The following BMP6 variants were observed in gnomAD, a reference collection of about 807,000 sequenced individuals.
The protein encoded by BMP6 is VG-1-R.
In BMP6, 17 loss-of-function variants were observed where a neutral mutation model predicts 54.1. The ratio of observed to expected loss-of-function variants is 0.31; its 90% CI spans 0.22 to 0.47. The LOEUF (loss-of-function observed/expected upper bound fraction) is 0.47, where lower values mean the gene tolerates loss of function less well. Among genes scored for constraint, BMP6 ranks in the 20% least tolerant of loss-of-function variants. BMP6 has a pLI of 1.00. For missense variants in BMP6, 720 were observed against 690.4 expected (o/e 1.04, Z -0.48); for synonymous variants, 328 against 291.2 (o/e 1.13, Z -1.28).
intron 2 of BMP6, among the ~76,000 whole-genome samples, chr6:7,856,614 T>TTTTTTTTTTTTTTTTTTTTTGAAG: frequency 1.1e-5 from 1 of 95,162 alleles, no homozygotes; most frequent in East Asian, 3.8e-4. Flanking sequence ...TTTTTTTTTT[T>TTTTTTTTTTTTTTTTTTTTTGAAG]GAGACGGAGT....
At chr6:7,730,371 C>T (rs763164443) in intron 1 of BMP6, among the ~76,000 whole-genome samples, 2 of 152,126 alleles carry the variant, frequency 1.3e-5, no homozygotes, top group Non-Finnish European at 2.9e-5. Context: ...TTCCAGGCCC[C>T]AAGACAGGCT....
At chr6:7,854,086 G>A (rs762546160) in intron 2 of BMP6, among the ~76,000 whole-genome samples, 3 of 152,188 alleles carry the variant, frequency 2.0e-5, no homozygotes, top group Admixed American at 1.3e-4. Context: ...GCCAGTGGGT[G>A]GTGGGCAGGA....
Position 7,880,115 on chromosome 6 carries a change from G to A in BMP6, c.1392+14G>A, listed in dbSNP as rs1164358744. 2 of 1,614,112 alleles carry A rather than the reference G, an allele frequency of 1.2e-6. No individual in the cohort carries two copies. Among genetic ancestry groups the A allele is most frequent in the Admixed American group, 3.3e-5 (2 of 60,020 alleles). The stretch of plus-strand genomic sequence containing the variant: ...GTGCAGACCTTGGTGAGCTCTCGGA[G>A]ACTTTGTTTTGTAAGTGGGAGTAAG... On this transcript the variant is annotated intron_variant, in intron 6 of 6. Transcript: ENST00000283147.
rs1757762553 is a variant in BMP6, at chr6:7,770,237, G to A, written c.664+42618G>A. ...AAAATGGGAAAATAAGCCACATCCTGTTTTTAAGCGGTTGAACATACTTTC... is the reference window on the plus strand; with the variant it reads ...AAAATGGGAAAATAAGCCACATCCTATTTTTAAGCGGTTGAACATACTTTC... On this transcript the variant is annotated intron_variant, in intron 1 of 6. Transcript: ENST00000283147. 2.0e-5 allele frequency among the ~76,000 whole-genome samples: 3 copies of A among 152,184 alleles called. No homozygotes were observed. The South Asian group carries it at 6.2e-4, about 32-fold the overall frequency.
intron 1 of BMP6, among the ~76,000 whole-genome samples, chr6:7,843,757 A>G (rs928819241): frequency 6.6e-6 from 1 of 152,188 alleles, no homozygotes; most frequent in Admixed American, 6.5e-5. Context: ...GAGGCATCTG[A>G]AGTTTGATAT....
At chr6:7,850,672 C>T (rs1759128012) in intron 2 of BMP6, among the ~76,000 whole-genome samples, 1 of 152,104 alleles carries the variant, frequency 6.6e-6, no homozygotes, top group Non-Finnish European at 1.5e-5. Flanking sequence ...AGATCGGGAA[C>T]ACAGGAATAA....
intron 1 of BMP6, among the ~76,000 whole-genome samples, chr6:7,798,060 ACTCT>A (rs1328523871): frequency 1.3e-5 from 2 of 152,062 alleles, no homozygotes; most frequent in African/African-American, 4.8e-5. Context: ...ATGCTCTAGT[ACTCT>A]CTCTAAGTCT....
intron 1 of BMP6, among the ~76,000 whole-genome samples, chr6:7,761,341 C>T (rs1757610782): frequency 6.6e-6 from 1 of 152,156 alleles, no homozygotes. Context: ...GTAAGTTTTC[C>T]AGTAGAGTGT....
chr6:7,790,409 T>TTG (rs1232969882), intron 1 of BMP6, among the ~76,000 whole-genome samples: 4 of 149,746 alleles, frequency 2.7e-5, no homozygotes, highest in African/African-American at 9.9e-5. Context: ...TCCCAGCTAC[T>TTG]TGGGAGGTTG....
chr6:7,800,577 T>C (rs1382224497), intron 1 of BMP6, among the ~76,000 whole-genome samples: 1 of 152,174 alleles, frequency 6.6e-6, no homozygotes, highest in East Asian at 1.9e-4. Flanking sequence ...CTTTGTTTTC[T>C]TCTTATTAAG....
At chr6:7,827,223 C>T (rs1054925473) in intron 1 of BMP6, among the ~76,000 whole-genome samples, 3 of 152,224 alleles carry the variant, frequency 2.0e-5, no homozygotes, top group Non-Finnish European at 4.4e-5. Flanking sequence ...TCCCTGACCC[C>T]GTCGCCCCCT....
intron 1 of BMP6, among the ~76,000 whole-genome samples, chr6:7,833,530 G>A (rs1056654000): frequency 1.3e-5 from 2 of 152,142 alleles, no homozygotes; most frequent in African/African-American, 2.4e-5. Context: ...AGTAAGAAAC[G>A]CAAGCCTCTT....
intron 1 of BMP6, among the ~76,000 whole-genome samples, chr6:7,735,250 G>A (rs1226622104): frequency 1.3e-5 from 2 of 152,194 alleles, no homozygotes. Context: ...TGTGTTTACA[G>A]TCCTGTTGGT....
intron 1 of BMP6, among the ~76,000 whole-genome samples, chr6:7,743,412 G>A (rs1189311751): frequency 6.6e-6 from 1 of 152,134 alleles, no homozygotes; most frequent in African/African-American, 2.4e-5. Context: ...TCTTGTGCCT[G>A]TAGGATGCAA....
At chr6:7,867,867 A>C (rs1759451421) in intron 4 of BMP6, among the ~76,000 whole-genome samples, 1 of 152,256 alleles carries the variant, frequency 6.6e-6, no homozygotes, top group Non-Finnish European at 1.5e-5. Context: ...AGAGTGGAAC[A>C]GACTGGAAAG....
At chr6:7,848,426 A>T (rs1289769695) in intron 2 of BMP6, among the ~76,000 whole-genome samples, 1 of 152,120 alleles carries the variant, frequency 6.6e-6, no homozygotes, top group East Asian at 1.9e-4. Flanking sequence ...TGGTCCTGAG[A>T]TTCCTTCCTA....
chr6:7,841,779 A>C (rs149568346), intron 1 of BMP6, among the ~76,000 whole-genome samples: 29 of 152,340 alleles, frequency 1.9e-4, no homozygotes, highest in African/African-American at 6.7e-4. Flanking sequence ...TCTAAGAAGG[A>C]TAAAGGAAAA....
intron 1 of BMP6, among the ~76,000 whole-genome samples, chr6:7,844,096 G>T (rs1759020187): frequency 6.6e-6 from 1 of 151,938 alleles, no homozygotes; most frequent in Admixed American, 6.6e-5. Flanking sequence ...CTGCTTCTGT[G>T]AGTTCCACTT....
chr6:7,736,628 A>G (rs2113110560), intron 1 of BMP6, among the ~76,000 whole-genome samples: 1 of 152,346 alleles, frequency 6.6e-6, no homozygotes, highest in Non-Finnish European at 1.5e-5. Context: ...TTCTATGACA[A>G]AGCTACACAG....
Sources: allele counts gnomAD v4.1 joint callset (sites outside exome capture counted in the v4.1 genomes callset), GRCh38; gene constraint gnomAD v4.1.1; transcripts MANE v1.5; gene names NCBI Gene and HGNC (gene_info 2026-07-23, HGNC 2026-07-21).